METAP1D: variants seen among roughly 807,000 people sequenced by gnomAD.
METAP1D encodes the protein methionine aminopeptidase 1D, mitochondrial.
In METAP1D, 31 loss-of-function variants were observed where a neutral mutation model predicts 40.5. That is an observed-to-expected ratio of 0.77 (90% CI 0.58 to 1.03). The LOEUF (loss-of-function observed/expected upper bound fraction) is 1.03, where lower values mean the gene tolerates loss of function less well. Among genes scored for constraint, METAP1D ranks in the 50% least tolerant of loss-of-function variants. The probability of loss-of-function intolerance (pLI) is 0.00; values close to 1 mark genes in which losing one functional copy is unlikely to be tolerated. For synonymous variants in METAP1D, 151 were observed against 146.4 expected (o/e 1.03, Z -0.22); for missense variants, 411 against 420.7 (o/e 0.98, Z 0.20).
At chr2:172,054,621 A>C (rs1689962533) in intron 1 of METAP1D, among the ~76,000 whole-genome samples, 1 of 152,234 alleles carries the variant, frequency 6.6e-6, no homozygotes, top group Non-Finnish European at 1.5e-5. Context: ...GGAAAATAAA[A>C]TGCAGCTTTT....
At chr2:172,010,057 A>G (rs184555010) in intron 1 of METAP1D, among the ~76,000 whole-genome samples, 1 of 152,060 alleles carries the variant, frequency 6.6e-6, no homozygotes, top group African/African-American at 2.4e-5. Flanking sequence ...GGCGGCTTGG[A>G]GCAAAATTTA....
chr2:172,031,561 T>C (rs563275555), intron 1 of METAP1D, among the ~76,000 whole-genome samples: 1 of 152,354 alleles, frequency 6.6e-6, no homozygotes, highest in South Asian at 2.1e-4. Flanking sequence ...TTCTCTCTCT[T>C]TTTGAGCACA....
chr2:172,034,845 C>T (rs972994535), intron 1 of METAP1D, among the ~76,000 whole-genome samples: 4 of 151,660 alleles, frequency 2.6e-5, no homozygotes, highest in African/African-American at 9.7e-5. Context: ...TAATGTTTTC[C>T]CTGTATAGTA....
At chr2:172,078,034 AG>A (rs1042107922) in intron 7 of METAP1D, 140 bp downstream of exon 7, 8 of 283,016 alleles carry the variant, frequency 2.8e-5, no homozygotes, top group Admixed American at 5.3e-5. Context: ...GGGGCAGGGG[AG>A]GGGGGTCTGC....
intron 6 of METAP1D, among the ~76,000 whole-genome samples, chr2:172,076,327 A>G (rs980315296): frequency 6.6e-6 from 1 of 152,118 alleles, no homozygotes; most frequent in African/African-American, 2.4e-5. Flanking sequence ...TGTAAAAAAA[A>G]AAAAATCTAG....
At chr2:172,060,199 T>G (rs1690106671) in intron 1 of METAP1D, among the ~76,000 whole-genome samples, 1 of 152,146 alleles carries the variant, frequency 6.6e-6, no homozygotes, top group South Asian at 2.1e-4. Context: ...GAGGATCGCT[T>G]GAGCCCAGGA....
rs749490749 is a variant in METAP1D at position 172,071,067 on chromosome 2, T to A, written c.701T>A (p.Ile234Asn). Residue 234 changes from isoleucine to asparagine, a missense_variant, in exon 6 of 10, where the codon ATC (isoleucine) becomes AAC (asparagine). By Grantham distance (149) the Ile-to-Asn change is moderately radical. Coordinates refer to ENST00000315796, the MANE Select transcript of METAP1D (RefSeq NM_199227.3). Reference sequence around the variant, plus strand: ...CCCTTCTCTGTAATTGGAAACACAATCAGGTAAGCCTTACATTGACAAGTA... The same window carrying A: ...CCCTTCTCTGTAATTGGAAACACAAACAGGTAAGCCTTACATTGACAAGTA... ...GAPFSVIGNT[I>N]SHITHQNGFQ... 17 of 1,608,526 alleles carry A rather than the reference T, an allele frequency of 1.1e-5. No individual in the cohort carries two copies. Among genetic ancestry groups the A allele is most frequent in the Non-Finnish European group, 1.4e-5 (17 of 1,177,076 alleles).
At chr2:172,046,043 TTTTTA>T (rs1056457141) in intron 1 of METAP1D, among the ~76,000 whole-genome samples, 3 of 131,486 alleles carry the variant, frequency 2.3e-5, no homozygotes, top group Non-Finnish European at 4.6e-5. Flanking sequence ...CATGTAATGC[TTTTTA>T]TTTTTTTTAA....
intron 1 of METAP1D, among the ~76,000 whole-genome samples, chr2:172,013,258 A>G (rs115689390): frequency 1.0e-3 from 159 of 152,278 alleles, no homozygotes; most frequent in Non-Finnish European, 2.0e-3. Context: ...CTTTTAGTTC[A>G]GGTCCACCCC....
intron 1 of METAP1D, among the ~76,000 whole-genome samples, chr2:172,048,216 C>A (rs1689804653): frequency 6.6e-6 from 1 of 152,276 alleles, no homozygotes; most frequent in East Asian, 1.9e-4. Context: ...CCTAGGATCT[C>A]ATGATTACTT....
Position 172,036,607 on chromosome 2 carries a change from C to T in METAP1D, c.41-24891C>T, listed in dbSNP as rs185682993. Among the ~76,000 whole-genome samples the T allele has an allele frequency of 6.4e-4, 97 of 151,826 alleles. 3 individuals are homozygous for T. The highest frequency in any genetic ancestry group is 2.3e-3 in the African/African-American group (95 of 41,514). On this transcript the variant is annotated intron_variant, in intron 1 of 9. Transcript: ENST00000315796. ...GTCTCGATCTCCTGACCTCGTGATCCGCCTGTCTCGGCCTCCCAAAGTACC... is the reference window on the plus strand; with the variant it reads ...GTCTCGATCTCCTGACCTCGTGATCTGCCTGTCTCGGCCTCCCAAAGTACC...
At chr2:172,021,517 T>C (rs1365132762) in intron 1 of METAP1D, among the ~76,000 whole-genome samples, 1 of 152,224 alleles carries the variant, frequency 6.6e-6, no homozygotes, top group Non-Finnish European at 1.5e-5. Context: ...AAAAGACTTT[T>C]CTTGCATTTC....
chr2:172,001,517 G>A (rs1018712347), intron 1 of METAP1D, among the ~76,000 whole-genome samples: 1 of 151,592 alleles, frequency 6.6e-6, no homozygotes, highest in Non-Finnish European at 1.5e-5. Context: ...TAGCCTGGGC[G>A]ACAGAGCGAG....
At chr2:172,016,314 T>C (rs1259129176) in intron 1 of METAP1D, among the ~76,000 whole-genome samples, 1 of 94,266 alleles carries the variant, frequency 1.1e-5, no homozygotes, top group Non-Finnish European at 2.2e-5. Context: ...TATATATATA[T>C]ATATATATAT....
intron 6 of METAP1D, among the ~76,000 whole-genome samples, chr2:172,071,888 A>G (rs1690429060): frequency 6.6e-6 from 1 of 152,220 alleles, no homozygotes. Flanking sequence ...AGTCACCTTG[A>G]AAAGATGCTG....
At chr2:172,045,733 A>ATGTGTG (rs1177519361) in intron 1 of METAP1D, among the ~76,000 whole-genome samples, 4 of 70,960 alleles carry the variant, frequency 5.6e-5, no homozygotes, top group Non-Finnish European at 1.2e-4. Flanking sequence ...GTGTGTGTGT[A>ATGTGTG]TATATATGTG....
intron 1 of METAP1D, among the ~76,000 whole-genome samples, chr2:172,010,596 G>A (rs1157748718): frequency 1.4e-5 from 2 of 145,932 alleles, no homozygotes; most frequent in African/African-American, 2.5e-5. Flanking sequence ...GGGTTCAAGT[G>A]ATTCTCCTGC....
In METAP1D at chr2:172,035,981, T is replaced by C. The variant is rs541677994; in HGVS notation, c.41-25517T>C. On this transcript the variant is annotated intron_variant, in intron 1 of 9. Coordinates refer to ENST00000315796, the MANE Select transcript of METAP1D (RefSeq NM_199227.3). ...ATATTTTAAGGATCCATTTATATTGTATCTGTAGTGAATTCATTTTTTTTG... is the reference window on the plus strand; with the variant it reads ...ATATTTTAAGGATCCATTTATATTGCATCTGTAGTGAATTCATTTTTTTTG... 4.5e-4 allele frequency among the ~76,000 whole-genome samples: 68 copies of C among 152,242 alleles called. 1 individual carries two copies. In the South Asian group the frequency reaches 1.0e-2, roughly 22 times the overall value.
Position 172,025,689 on chromosome 2 carries a change from T to C in METAP1D, c.40+25680T>C, listed in dbSNP as rs139026998. Among the ~76,000 whole-genome samples, 92 of 152,174 alleles carry C rather than the reference T, an allele frequency of 6.0e-4. 3 individuals carry two copies. The highest frequency in any genetic ancestry group is 2.0e-3 in the African/African-American group (84 of 41,526). ...ATGGTATGAGTCTCCATGTAAGAGA[T>C]AGAAGCATCACCCAACATCCATCAG... On this transcript the variant is annotated intron_variant, in intron 1 of 9. Transcript: ENST00000315796.
Sources: allele counts gnomAD v4.1 joint callset (sites outside exome capture counted in the v4.1 genomes callset), GRCh38; gene constraint gnomAD v4.1.1; transcripts MANE v1.5; gene names NCBI Gene and HGNC (gene_info 2026-07-23, HGNC 2026-07-21).